Variants in NDFIP2 observed in about 807,000 individuals in gnomAD.
NDFIP2 encodes NEDD4 family-interacting protein 2.
Under a neutral mutation model 36.0 loss-of-function variants are expected in NDFIP2, and 19 were observed. The ratio of observed to expected loss-of-function variants is 0.53; its 90% CI spans 0.37 to 0.77. The LOEUF (loss-of-function observed/expected upper bound fraction) is 0.77, where lower values mean the gene tolerates loss of function less well. Ranked by LOEUF, NDFIP2 falls within the 30% of genes least tolerant of loss-of-function variation. NDFIP2 has a pLI of 0.00. For synonymous variants in NDFIP2, 181 were observed against 167.7 expected, an observed-to-expected ratio of 1.08 and a Z score of -0.61; for missense variants, 446 against 435.8, an observed-to-expected ratio of 1.02 and a Z score of -0.21.
At chr13:79,496,851 A>G (rs1229222949) in intron 1 of NDFIP2, among the ~76,000 whole-genome samples, 2 of 151,710 alleles carry the variant, frequency 1.3e-5, no homozygotes, top group Non-Finnish European at 2.9e-5. Context: ...TTATTTTTCC[A>G]TATTAAAACA....
chr13:79,497,795 G>GGTGTGT (rs769463873), intron 1 of NDFIP2, among the ~76,000 whole-genome samples: 3 of 128,908 alleles, frequency 2.3e-5, no homozygotes, highest in South Asian at 2.5e-4. Flanking sequence ...ATCTGTGGGG[G>GGTGTGT]GTGTGTGTGT....
intron 1 of NDFIP2, among the ~76,000 whole-genome samples, chr13:79,487,771 T>C (rs1873071235): frequency 6.6e-6 from 1 of 152,162 alleles, no homozygotes; most frequent in Non-Finnish European, 1.5e-5. Context: ...AAAATTCCTG[T>C]TCTTAGCATA....
intron 2 of NDFIP2, among the ~76,000 whole-genome samples, chr13:79,530,860 G>A (rs774658695): frequency 2.0e-5 from 3 of 152,128 alleles, no homozygotes; most frequent in Non-Finnish European, 4.4e-5. Flanking sequence ...TATGAGGGTT[G>A]GAATCAACTT....
At chr13:79,534,648 G>A (rs1040342356) in intron 3 of NDFIP2, among the ~76,000 whole-genome samples, 3 of 151,848 alleles carry the variant, frequency 2.0e-5, no homozygotes, top group African/African-American at 2.4e-5. Flanking sequence ...GAGAGATGCC[G>A]TTTCAGATCC....
chr13:79,546,789 A>C (rs1875697222), intron 5 of NDFIP2, among the ~76,000 whole-genome samples: 1 of 152,194 alleles, frequency 6.6e-6, no homozygotes, highest in South Asian at 2.1e-4. Flanking sequence ...GGTAACACGC[A>C]GAAATTTAAA....
Position 79,481,327 on chromosome 13 carries a change from G to C in NDFIP2, c.124G>C (p.Gly42Arg). ...TNAEVSAAAA[G>R]ATGSEELPPG... ...CGCGGAGGTCTCGGCGGCCGCTGCGGGAGCCACAGGAAGTGAAGAGCTTCC... is the reference window on the plus strand; with the variant it reads ...CGCGGAGGTCTCGGCGGCCGCTGCGCGAGCCACAGGAAGTGAAGAGCTTCC... The change falls in exon 1 of 8, where the codon GGA becomes CGA. Residue 42 changes from glycine (G) to arginine (R), a missense_variant. Physicochemically the swap from Gly to Arg is moderately radical, Grantham distance 125. Transcript: ENST00000218652. 1 of 1,545,494 alleles carries C rather than the reference G, an allele frequency of 6.5e-7. No homozygotes were observed. The highest frequency in any genetic ancestry group is 8.7e-7 in the Non-Finnish European group (1 of 1,146,930).
chr13:79,531,784 A>G (rs1249534821), intron 2 of NDFIP2, among the ~76,000 whole-genome samples: 2 of 152,192 alleles, frequency 1.3e-5, no homozygotes, highest in African/African-American at 4.8e-5. Flanking sequence ...TTGATCTTCT[A>G]ACTGGAACTA....
intron 1 of NDFIP2, among the ~76,000 whole-genome samples, chr13:79,493,860 T>C (rs569336791): frequency 6.6e-6 from 1 of 152,220 alleles, no homozygotes; most frequent in African/African-American, 2.4e-5. Context: ...TGGATTTAGC[T>C]TGTAGGTGTT....
intron 2 of NDFIP2, among the ~76,000 whole-genome samples, chr13:79,531,962 C>G (rs549745392): frequency 6.6e-6 from 1 of 152,306 alleles, no homozygotes; most frequent in South Asian, 2.1e-4. Context: ...GCCATGCTGT[C>G]CTTGCTAGGC....
At chr13:79,527,772 C>T (rs1874857576) in intron 2 of NDFIP2, among the ~76,000 whole-genome samples, 1 of 152,084 alleles carries the variant, frequency 6.6e-6, no homozygotes, top group Non-Finnish European at 1.5e-5. Context: ...AACAAATTAA[C>T]TGTAAAACAG....
At chr13:79,550,088 G>A (rs1171292025) in intron 6 of NDFIP2, among the ~76,000 whole-genome samples, 4 of 151,710 alleles carry the variant, frequency 2.6e-5, no homozygotes, top group East Asian at 1.9e-4. Flanking sequence ...ACATACAGTA[G>A]ATATCTTCTG....
Position 79,554,243 on chromosome 13 carries a change from T to C in NDFIP2, c.*1730T>C, listed in dbSNP as rs965991808. On this transcript the variant is annotated 3_prime_UTR_variant, in exon 8 of 8. Transcript: ENST00000218652. The stretch of plus-strand genomic sequence containing the variant: ...GGTAAAGAAAAAATATTTAGTTTAG[T>C]TGCCTAATTTGGAAGTTAATTAAAA... 8 of 151,760 alleles carry C rather than the reference T, an allele frequency of 5.3e-5. No individual in the cohort carries two copies. Among genetic ancestry groups the C allele is most frequent in the African/African-American group, 1.9e-4 (8 of 41,430 alleles). The allele number at this position is 151,760 out of a possible 1,614,324, so 9.4% of individuals were successfully genotyped here.
Position 79,520,871 on chromosome 13 carries a change from C to T in NDFIP2, c.383C>T (p.Pro128Leu), listed in dbSNP as rs1270715181. The T allele has an allele frequency of 6.2e-7, 1 of 1,614,012 alleles. No homozygotes were observed. Among genetic ancestry groups the T allele is most frequent in the Non-Finnish European group, 8.5e-7 (1 of 1,179,924 alleles). The change falls in exon 2 of 8, where the codon CCA (proline) becomes CTA (leucine). Residue 128 changes from proline to leucine, a missense_variant. Around this residue, in one of 2 missense-constraint regions of NDFIP2, gnomAD observed 369 missense variants for 304.8 expected, o/e 1.21. Transcript: ENST00000218652. Reference sequence around the variant, plus strand: ...ATAGAGCAGCCACCTACTTCAAACCCAGCACCGCAGATTGTGCAGGCTGCG... The same window carrying T: ...ATAGAGCAGCCACCTACTTCAAACCTAGCACCGCAGATTGTGCAGGCTGCG... ...SAIEQPPTSN[P>L]APQIVQAASS...
At chr13:79,530,666 C>T (rs143575186) in intron 2 of NDFIP2, among the ~76,000 whole-genome samples, 43 of 152,310 alleles carry the variant, frequency 2.8e-4, no homozygotes, top group Non-Finnish European at 3.7e-4. Context: ...GAGTATCTCC[C>T]ATCTCAAGAA....
chr13:79,525,692 T>TG (rs1481886183), intron 2 of NDFIP2, among the ~76,000 whole-genome samples: 1 of 152,010 alleles, frequency 6.6e-6, no homozygotes, highest in Non-Finnish European at 1.5e-5. Flanking sequence ...CAGGACACAG[T>TG]GGGTTGGTGT....
At chr13:79,485,344 A>G (rs1594837408) in intron 1 of NDFIP2, among the ~76,000 whole-genome samples, 1 of 152,328 alleles carries the variant, frequency 6.6e-6, no homozygotes, top group South Asian at 2.1e-4. Flanking sequence ...GAAACAGCTC[A>G]GTATGAGGAA....
intron 7 of NDFIP2, among the ~76,000 whole-genome samples, chr13:79,552,182 T>C (rs565187442): frequency 6.6e-6 from 1 of 151,528 alleles, no homozygotes; most frequent in South Asian, 2.1e-4. Context: ...GTCGCTTTTT[T>C]ATTTTAACAA....
rs1376164199 is a variant in NDFIP2, at chr13:79,481,158, T to C, written c.-46T>C. 7 of 1,441,700 alleles carry C rather than the reference T, an allele frequency of 4.9e-6. No homozygotes were observed. In the East Asian group the frequency reaches 1.1e-4, roughly 22 times the overall value. The allele number at this position is 1,441,700 out of a possible 1,614,324, so 89.3% of individuals were successfully genotyped here. A position where few individuals can be genotyped will look rare whatever the true frequency, so the allele number is the denominator to read the frequency against. On this transcript the variant is annotated 5_prime_UTR_variant, in exon 1 of 8. Transcript: ENST00000218652. Reference sequence around the variant, plus strand: ...ACAGCTCCCCCGGACTTGCCTTACTTTTCCATCTCCTCCCACCCAGCTATA... The same window carrying C: ...ACAGCTCCCCCGGACTTGCCTTACTCTTCCATCTCCTCCCACCCAGCTATA...
chr13:79,530,609 TA>T (rs1458386243), intron 2 of NDFIP2, among the ~76,000 whole-genome samples: 9 of 152,232 alleles, frequency 5.9e-5, no homozygotes, highest in African/African-American at 2.2e-4. Context: ...TTATGTAATC[TA>T]AGTCCTTTTT....
Sources: allele counts gnomAD v4.1 joint callset (sites outside exome capture counted in the v4.1 genomes callset), GRCh38; gene constraint gnomAD v4.1.1; regional missense constraint gnomAD v4.1.1; transcripts MANE v1.5; gene names NCBI Gene and HGNC (gene_info 2026-07-23, HGNC 2026-07-21).